Variants in KAZN observed in about 807,000 individuals in gnomAD.
KAZN encodes kazrin.
In KAZN, 40 loss-of-function variants were observed where a neutral mutation model predicts 87.4. The observed-to-expected ratio is 0.46, with a 90% CI of 0.36 to 0.60. The LOEUF is 0.60. Among genes scored for constraint, KAZN ranks in the 20% least tolerant of loss-of-function variants. The pLI is 0.00. For synonymous variants in KAZN, 466 were observed against 458.3 expected (o/e 1.02, Z -0.22); for missense variants, 898 against 1,073.9 (o/e 0.84, Z 2.29).
chr1:14,368,736 C>T (rs776575558), intron 2 of KAZN, among the ~76,000 whole-genome samples: 30 of 152,164 alleles, frequency 2.0e-4, no homozygotes, highest in Non-Finnish European at 3.8e-4. Flanking sequence ...GAGAAGGCTT[C>T]GCTTCAACTT....
intron 1 of KAZN, among the ~76,000 whole-genome samples, chr1:14,954,770 C>G (rs1490105040): frequency 1.3e-5 from 2 of 152,122 alleles, no homozygotes; most frequent in African/African-American, 4.8e-5. Flanking sequence ...TCCTGGCTAA[C>G]ACGGTGAAAC....
chr1:14,920,144 T>A (rs1572831000), intron 1 of KAZN, among the ~76,000 whole-genome samples: 1 of 152,160 alleles, frequency 6.6e-6, no homozygotes, highest in South Asian at 2.1e-4. Flanking sequence ...CTTAATACCA[T>A]GTTTCTGGGT....
At chr1:14,703,658 A>T (rs1339261775) in intron 1 of KAZN, among the ~76,000 whole-genome samples, 1 of 152,194 alleles carries the variant, frequency 6.6e-6, no homozygotes, top group Non-Finnish European at 1.5e-5. Context: ...CAGGAAGATC[A>T]CTTGGGGCCA....
At chr1:14,743,421 C>T (rs577493470) in intron 1 of KAZN, among the ~76,000 whole-genome samples, 6 of 137,416 alleles carry the variant, frequency 4.4e-5, no homozygotes, top group Non-Finnish European at 9.6e-5. Flanking sequence ...CTGAGCGAGA[C>T]TCTGTCTCAA....
At chr1:14,506,631 A>G (rs546343719) in intron 2 of KAZN, among the ~76,000 whole-genome samples, 1 of 152,324 alleles carries the variant, frequency 6.6e-6, no homozygotes, top group South Asian at 2.1e-4. Flanking sequence ...TGAGGATTGA[A>G]TGAGGAAGCC....
intron 2 of KAZN, among the ~76,000 whole-genome samples, chr1:14,197,031 G>A (rs1387331612): frequency 6.6e-6 from 1 of 152,082 alleles, no homozygotes; most frequent in Non-Finnish European, 1.5e-5. Context: ...GCAGCAATGT[G>A]GAGGACATTG....
chr1:13,922,235 G>T (rs375041586), intron 1 of KAZN, among the ~76,000 whole-genome samples: 1 of 151,888 alleles, frequency 6.6e-6, no homozygotes, highest in South Asian at 2.1e-4. Flanking sequence ...TCGGTCCCCC[G>T]CCCCCAACTC....
intron 1 of KAZN, among the ~76,000 whole-genome samples, chr1:13,974,101 G>C (rs1250719846): frequency 6.6e-6 from 1 of 152,260 alleles, no homozygotes; most frequent in African/African-American, 2.4e-5. Flanking sequence ...CTCCAACACT[G>C]GATTGTGACA....
At chr1:14,899,380 G>A (rs367910754) in intron 1 of KAZN, among the ~76,000 whole-genome samples, 1 of 152,236 alleles carries the variant, frequency 6.6e-6, no homozygotes, top group East Asian at 1.9e-4. Flanking sequence ...CTTTTCCCAG[G>A]GTTTTAAGAT....
intron 2 of KAZN, among the ~76,000 whole-genome samples, chr1:14,324,653 T>G (rs1020918950): frequency 6.6e-6 from 1 of 152,054 alleles, no homozygotes; most frequent in Admixed American, 6.6e-5. Flanking sequence ...TCTACCAAGT[T>G]TCTGCAAAGG....
intron 1 of KAZN, among the ~76,000 whole-genome samples, chr1:13,989,492 C>T (rs1024583166): frequency 6.6e-6 from 1 of 152,166 alleles, no homozygotes; most frequent in African/African-American, 2.4e-5. Context: ...GTAGAGACCT[C>T]AGGCATCTGC....
At chr1:14,409,295 G>C (rs968525409) in intron 2 of KAZN, among the ~76,000 whole-genome samples, 1 of 152,156 alleles carries the variant, frequency 6.6e-6, no homozygotes, top group African/African-American at 2.4e-5. Context: ...GAAAGGTACA[G>C]AGATTGATGT....
intron 1 of KAZN, among the ~76,000 whole-genome samples, chr1:14,139,175 C>T: frequency 6.6e-6 from 1 of 152,204 alleles, no homozygotes; most frequent in East Asian, 1.9e-4. Context: ...CTAATTTCTC[C>T]TCTGTCCTGG....
At chr1:14,617,677 G>T (rs948913622) in intron 1 of KAZN, among the ~76,000 whole-genome samples, 15 of 152,202 alleles carry the variant, frequency 9.9e-5, no homozygotes. Context: ...TATGAATGTG[G>T]AACTGTGTAT....
chr1:14,129,496 G>A (rs1035263108), intron 1 of KAZN, among the ~76,000 whole-genome samples: 3 of 152,180 alleles, frequency 2.0e-5, no homozygotes, highest in African/African-American at 7.2e-5. Context: ...TTCCTCCCCT[G>A]AATCCTCCAC....
At chr1:14,297,142 C>G (rs1369286703) in intron 2 of KAZN, among the ~76,000 whole-genome samples, 1 of 152,096 alleles carries the variant, frequency 6.6e-6, no homozygotes, top group African/African-American at 2.4e-5. Context: ...TTTTCTCCCC[C>G]ACAAGAAGCC....
chr1:14,517,725 C>T (rs2148459063), intron 2 of KAZN, among the ~76,000 whole-genome samples: 1 of 152,296 alleles, frequency 6.6e-6, no homozygotes, highest in South Asian at 2.1e-4. Context: ...ATCCTAATCT[C>T]TTTTTAAAGG....
intron 1 of KAZN, among the ~76,000 whole-genome samples, chr1:14,005,462 T>C (rs1302420094): frequency 6.6e-6 from 1 of 152,120 alleles, no homozygotes; most frequent in Non-Finnish European, 1.5e-5. Flanking sequence ...TGGAGGTTAT[T>C]GGGCAGGGAG....
Position 14,236,759 on chromosome 1 carries a change from AAAC to A in KAZN, c.249+56179_249+56181del, listed in dbSNP as rs1401550141. On this transcript the variant is annotated intron_variant, in intron 2 of 16. Transcript: ENST00000636203. ...ATGGAAAAACCTGGTCTCTATTAAA[AAAC>A]AACAACAACAAAAGAGCCGGGTGTG... is the stretch of plus-strand genomic sequence containing the variant. Among the ~76,000 whole-genome samples the A allele has an allele frequency of 1.4e-4, 21 of 152,124 alleles. No homozygotes were observed. In the East Asian group the frequency reaches 2.9e-3, roughly 21 times the overall value.
Sources: allele counts gnomAD v4.1 joint callset (sites outside exome capture counted in the v4.1 genomes callset), GRCh38; gene constraint gnomAD v4.1.1; transcripts MANE v1.5; gene names NCBI Gene and HGNC (gene_info 2026-07-23, HGNC 2026-07-21).